Variants in PAQR6 observed in about 807,000 individuals in gnomAD.
PAQR6 encodes the protein membrane progestin receptor delta.
Under a neutral mutation model 36.2 loss-of-function variants are expected in PAQR6, and 34 were observed. That is an observed-to-expected ratio of 0.94 (90% CI 0.71 to 1.25). The LOEUF (loss-of-function observed/expected upper bound fraction) is 1.25, where lower values mean the gene tolerates loss of function less well. PAQR6 is among the 50% of genes most tolerant of loss of function. The pLI is 0.00. For missense variants in PAQR6, 431 were observed against 445.7 expected (o/e 0.97, Z 0.30); for synonymous variants, 190 against 190.7 (o/e 1.00, Z 0.03).
rs1410194940 is a variant in PAQR6 at position 156,245,618 on chromosome 1, C to G, written c.429G>C (p.Trp143Cys). 1.2e-6 allele frequency: 2 copies of G among 1,613,116 alleles called. No homozygotes were observed. Among genetic ancestry groups the G allele is most frequent in the Non-Finnish European group, 1.7e-6 (2 of 1,180,006 alleles). The change falls in exon 5 of 8, where the codon TGG becomes TGC. Residue 143 changes from tryptophan (W) to cysteine (C), a missense_variant. Transcript: ENST00000292291. ...PYAAYSMPAS[W>C]LHGHLHQFFV... is the part of the protein sequence containing the mutation. ...AGAACTGGTGCAGGTGGCCGTGCAG[C>G]CAGGAGGCCGGCATGGAGTAGGCGG... is the stretch of plus-strand genomic sequence containing the variant.
intron 5 of PAQR6, 51 bp downstream of exon 5, chr1:156,245,484 C>T (rs1440801599): frequency 4.4e-6 from 7 of 1,604,030 alleles, no homozygotes; most frequent in Non-Finnish European, 6.0e-6. Flanking sequence ...GGTGTGTCCT[C>T]TCCTGTGCCT....
chr1:156,245,457 C>G (rs565461118), intron 5 of PAQR6, 78 bp downstream of exon 5: 2 of 1,575,982 alleles, frequency 1.3e-6, no homozygotes, highest in Admixed American at 1.7e-5. Flanking sequence ...GCCTCCAGTG[C>G]TGTTCGAGAG....
Position 156,244,160 on chromosome 1 carries a change from A to G in PAQR6, c.1004T>C (p.Leu335Pro), listed in dbSNP as rs1659802693. Reference protein sequence around the residue: ...STCPLLQGGPLEGGTQAKQQ With the variant: ...STCPLLQGGPPEGGTQAKQQ ...TTGTTTGGCCTGGGTACCCCCCTCCAGTGGGCCACCCTGCAGCAGAGGGCA... is the reference window on the plus strand; with the variant it reads ...TTGTTTGGCCTGGGTACCCCCCTCCGGTGGGCCACCCTGCAGCAGAGGGCA... Residue 335 changes from leucine to proline, a missense_variant, in exon 8 of 8, where the codon CTG (leucine) becomes CCG (proline). By Grantham distance (98) the Leu-to-Pro change is moderately conservative. Transcript: ENST00000292291. The G allele has an allele frequency of 1.2e-6, 2 of 1,605,608 alleles. No individual in the cohort carries two copies. Among genetic ancestry groups the G allele is most frequent in the Non-Finnish European group, 1.7e-6 (2 of 1,173,318 alleles).
chr1:156,248,010 C>G lies in PAQR6; in HGVS notation c.-79G>C, dbSNP rs771053744. 6.5e-6 allele frequency: 3 copies of G among 463,878 alleles called. No homozygotes were observed. Among genetic ancestry groups the G allele is most frequent in the Non-Finnish European group, 1.3e-5 (3 of 223,566 alleles). 28.7% of individuals were successfully genotyped at this position (463,878 alleles called of 1,614,324 possible). On this transcript the variant is annotated 5_prime_UTR_variant, in exon 1 of 8. Transcript: ENST00000292291. ...GTGGGTCAACAGGCCCAGGGCTCCA[C>G]GGGCGGAGTCCAAGGCTGCTGCCAG...
chr1:156,248,011 G>C lies in PAQR6; in HGVS notation c.-80C>G, dbSNP rs544755995. 6.5e-6 allele frequency: 3 copies of C among 464,154 alleles called. No individual in the cohort carries two copies. Among genetic ancestry groups the C allele is most frequent in the East Asian group, 1.4e-4 (2 of 14,088 alleles). The allele number at this position is 464,154 out of a possible 1,614,324, so 28.8% of individuals were successfully genotyped here. ...TGGGTCAACAGGCCCAGGGCTCCAC[G>C]GGCGGAGTCCAAGGCTGCTGCCAGC... is the stretch of plus-strand genomic sequence containing the variant. On this transcript the variant is annotated 5_prime_UTR_variant, in exon 1 of 8. Coordinates refer to ENST00000292291, the MANE Select transcript of PAQR6 (RefSeq NM_198406.3).
intron 1 of PAQR6, 63 bp from the exon 2 acceptor site, chr1:156,246,819 TGGG>T: frequency 7.1e-7 from 1 of 1,415,402 alleles, no homozygotes; most frequent in South Asian, 1.3e-5. Flanking sequence ...CCCTTTCACC[TGGG>T]TTCAGCCGCA....
chr1:156,245,926 G>A lies in PAQR6; in HGVS notation c.241C>T (p.His81Tyr). Residue 81 changes from histidine to tyrosine, a missense_variant, in exon 4 of 8, where the codon CAC becomes TAC. By Grantham distance (83) the His-to-Tyr change is moderately conservative. Coordinates refer to ENST00000292291, the MANE Select transcript of PAQR6 (RefSeq NM_198406.3). ...AGCAGGAAGACCAGCAGCGGCCAGT[G>A]GTACGGCTCCGCACGGAAGCCGGGG... The part of the protein sequence containing the change: ...GGPGFRAEPY[H>Y]WPLLVFLLPA... 6.4e-7 allele frequency: 1 copy of A among 1,554,656 alleles called. No individual in the cohort carries two copies.
At chr1:156,245,091 G>T in intron 6 of PAQR6, 51 bp downstream of exon 6, 1 of 1,604,708 alleles carries the variant, frequency 6.2e-7, no homozygotes, top group Non-Finnish European at 8.5e-7. Flanking sequence ...GGCACCTTGA[G>T]GGTCAGGACA....
chr1:156,246,379 G>T (rs924271578), intron 2 of PAQR6, 129 bp from the exon 3 acceptor site: 95 of 870,056 alleles, frequency 1.1e-4, no homozygotes, highest in Non-Finnish European at 1.6e-4. Flanking sequence ...AACTAAATCT[G>T]ATCTGATGTT....
chr1:156,246,531 G>T, intron 2 of PAQR6, 150 bp downstream of exon 2: 1 of 994,550 alleles, frequency 1.0e-6, no homozygotes, highest in Non-Finnish European at 1.5e-6. Context: ...TTGTTCCTCA[G>T]AGAACAGAGG....
In PAQR6 at chr1:156,244,274, C is replaced by T. The variant is rs761557250; in HGVS notation, c.890G>A (p.Gly297Asp). Residue 297 changes from glycine (G) to aspartate (D), a missense_variant, in exon 8 of 8, where the codon GGC (glycine) becomes GAC (aspartate). By Grantham distance (94) the Gly-to-Asp change is moderately conservative. Transcript: ENST00000292291. Reference protein sequence around the residue: ...ATQEPALGLAGTVATLVLAAA... With the variant: ...ATQEPALGLADTVATLVLAAA... ...AGCCAAGACCAGTGTGGCCACTGTG[C>T]CTGCCAGGCCCAGGGCAGGTTCCTG... 3.1e-6 allele frequency: 5 copies of T among 1,613,460 alleles called. No individual in the cohort carries two copies. In the Admixed American group the frequency reaches 8.3e-5, roughly 27 times the overall value.
chr1:156,245,564 G>A lies in PAQR6; in HGVS notation c.483C>T (p.Phe161=). The change falls in exon 5 of 8, where the codon TTC becomes TTT. Residue 161 remains phenylalanine (F), a synonymous_variant. Transcript: ENST00000292291. ...AGTAGCAGGAGAGGCCGGTGCACAG[G>A]AAGGAGTTGAGTGCGGCGGCAGGCA... ...FFVPAAALNS[F]LCTGLSCYSR... 1 of 1,612,666 alleles carries A rather than the reference G, an allele frequency of 6.2e-7. No homozygotes were observed. The highest frequency in any genetic ancestry group is 8.5e-7 in the Non-Finnish European group (1 of 1,180,018).
At chr1:156,245,722 C>T in intron 4 of PAQR6, 60 bp downstream of exon 4, 1 of 1,576,988 alleles carries the variant, frequency 6.3e-7, no homozygotes, top group Non-Finnish European at 8.6e-7. Context: ...GTCCCGCGTC[C>T]CACCCCTCGC....
At chr1:156,247,349 G>A (rs929553492) in intron 1 of PAQR6, among the ~76,000 whole-genome samples, 1 of 152,194 alleles carries the variant, frequency 6.6e-6, no homozygotes, top group African/African-American at 2.4e-5. Context: ...CCAGACCTGT[G>A]CACTGCCTCC....
Position 156,245,865 on chromosome 1 carries a change from G to A in PAQR6, c.302C>T (p.Ala101Val). 6.2e-7 allele frequency: 1 copy of A among 1,603,720 alleles called. No homozygotes were observed. The highest frequency in any genetic ancestry group is 1.7e-4 in the Middle Eastern group (1 of 6,028). The change falls in exon 4 of 8, where the codon GCG becomes GTG. Residue 101 changes from alanine (A) to valine (V), a missense_variant. Transcript: ENST00000292291. ...ACLYPFASCC[A>V]HTFSSMSPRM... ...GGGCGACATGGAGCTGAAGGTGTGC[G>A]CGCAGCACGACGCGAAGGGGTAGAG... is the stretch of plus-strand genomic sequence containing the variant.
chr1:156,244,282 G>T lies in PAQR6; in HGVS notation c.882C>A (p.Gly294=). 1 of 1,613,502 alleles carries T rather than the reference G, an allele frequency of 6.2e-7. No individual in the cohort carries two copies. The highest frequency in any genetic ancestry group is 8.5e-7 in the Non-Finnish European group (1 of 1,179,980). ...CCAGTGTGGCCACTGTGCCTGCCAG[G>T]CCCAGGGCAGGTTCCTGTGTGGCCA... The part of the protein sequence containing the change: ...AWLATQEPAL[G]LAGTVATLVL... Residue 294 remains glycine (G), a synonymous_variant, in exon 8 of 8, where the codon GGC becomes GGA. Transcript: ENST00000292291.
chr1:156,244,622 C>T (rs1659938376), intron 7 of PAQR6, 139 bp downstream of exon 7: 12 of 1,508,946 alleles, frequency 8.0e-6, no homozygotes, highest in South Asian at 6.6e-5. Flanking sequence ...GTGATGCTCT[C>T]GTTATAGGAA....
rs1659612172 is a variant in PAQR6, at chr1:156,243,369, A to G, written c.*760T>C. 6.0e-6 allele frequency: 5 copies of G among 831,448 alleles called. No individual in the cohort carries two copies. The South Asian group carries it at 9.7e-5, about 16-fold the overall frequency. 51.5% of individuals were successfully genotyped at this position (831,448 alleles called of 1,614,324 possible). On this transcript the variant is annotated 3_prime_UTR_variant, in exon 8 of 8. Coordinates refer to ENST00000292291, the MANE Select transcript of PAQR6 (RefSeq NM_198406.3). ...TTATGGAGTGTGGGAGGGAGGTGTC[A>G]GGAGGATGGGGGTGAGGAGGTTTTA...
At position 156,246,290 on chromosome 1, in the gene PAQR6, G is replaced by A. The variant is rs369414629; in HGVS notation, c.52-40C>T. On this transcript the variant is annotated intron_variant, in intron 2 of 7. Coordinates refer to ENST00000292291, the MANE Select transcript of PAQR6 (RefSeq NM_198406.3). ...GGAGAGGAAGGGCGTCACTGTGCCCGGACCCTTTCCCTCCATCTGAGATCT... is the reference window on the plus strand; with the variant it reads ...GGAGAGGAAGGGCGTCACTGTGCCCAGACCCTTTCCCTCCATCTGAGATCT... The A allele has an allele frequency of 6.9e-5, 107 of 1,541,250 alleles. 1 individual carries two copies. In the African/African-American group the frequency reaches 1.2e-3, roughly 18 times the overall value.
Sources: allele counts gnomAD v4.1 joint callset (sites outside exome capture counted in the v4.1 genomes callset), GRCh38; gene constraint gnomAD v4.1.1; transcripts MANE v1.5; gene names NCBI Gene and HGNC (gene_info 2026-07-23, HGNC 2026-07-21).